Variants in CADM2 observed in about 807,000 individuals in gnomAD.
The protein encoded by CADM2 is cell adhesion molecule 2, also known as immunoglobulin superfamily member 4D.
Under a neutral mutation model 49.8 loss-of-function variants are expected in CADM2, and 12 were observed. The observed-to-expected ratio is 0.24, with a 90% CI of 0.15 to 0.39. CADM2 has a LOEUF of 0.39. CADM2 is among the 10% of genes least tolerant of loss of function. The pLI, the probability that CADM2 is intolerant of heterozygous loss-of-function variation, is 1.00. For missense variants in CADM2, 378 were observed against 492.3 expected (o/e 0.77, Z 2.20); for synonymous variants, 214 against 175.4 (o/e 1.22, Z -1.74).
chr3:85,153,090 G>A (rs2039982994), intron 1 of CADM2, among the ~76,000 whole-genome samples: 1 of 152,176 alleles, frequency 6.6e-6, no homozygotes, highest in Non-Finnish European at 1.5e-5. Context: ...AGCCAAGATG[G>A]CCAAATAGGA....
chr3:85,231,859 C>T (rs2042296733), intron 1 of CADM2, among the ~76,000 whole-genome samples: 1 of 151,364 alleles, frequency 6.6e-6, no homozygotes, highest in Non-Finnish European at 1.5e-5. Flanking sequence ...ATTACAGGTG[C>T]CCGCACCACA....
At chr3:85,753,074 C>T (rs374721016) in intron 2 of CADM2, among the ~76,000 whole-genome samples, 2 of 152,060 alleles carry the variant, frequency 1.3e-5, no homozygotes, top group South Asian at 2.1e-4. Flanking sequence ...TTGATGATAT[C>T]GTTTTTCCTT....
intron 1 of CADM2, among the ~76,000 whole-genome samples, chr3:85,498,478 G>A (rs185752791): frequency 6.6e-6 from 1 of 152,106 alleles, no homozygotes; most frequent in Admixed American, 6.5e-5. Context: ...ATGAAACTAC[G>A]GTAAAGGTAG....
At chr3:85,506,071 A>G (rs1299475697) in intron 1 of CADM2, among the ~76,000 whole-genome samples, 1 of 152,194 alleles carries the variant, frequency 6.6e-6, no homozygotes, top group Admixed American at 6.5e-5. Context: ...ATACTACTGC[A>G]ATTTCTACTA....
At chr3:85,324,129 A>T (rs1165225413) in intron 1 of CADM2, among the ~76,000 whole-genome samples, 4 of 152,220 alleles carry the variant, frequency 2.6e-5, no homozygotes, top group Admixed American at 2.6e-4. Flanking sequence ...CCAATAAAGA[A>T]ATTAGCACTC....
chr3:85,125,509 C>T (rs562629932), intron 1 of CADM2, among the ~76,000 whole-genome samples: 37 of 152,192 alleles, frequency 2.4e-4, no homozygotes, highest in African/African-American at 6.7e-4. Flanking sequence ...CAGGCGTGCA[C>T]CACCACACCT....
chr3:85,302,170 G>A (rs2106996371), intron 1 of CADM2, among the ~76,000 whole-genome samples: 1 of 152,058 alleles, frequency 6.6e-6, no homozygotes, highest in East Asian at 1.9e-4. Context: ...TATGTTCCTG[G>A]TCATTGAGAA....
intron 1 of CADM2, among the ~76,000 whole-genome samples, chr3:85,213,173 G>A (rs565039944): frequency 3.9e-5 from 6 of 152,066 alleles, no homozygotes; most frequent in East Asian, 1.9e-4. Flanking sequence ...GTGAACCACC[G>A]TGCCTGGACT....
intron 8 of CADM2, among the ~76,000 whole-genome samples, chr3:86,018,675 C>T (rs1732672827): frequency 6.6e-6 from 1 of 152,140 alleles, no homozygotes; most frequent in South Asian, 2.1e-4. Context: ...TAAATGTCTT[C>T]TTTTGAGAAG....
At chr3:85,071,005 A>AATGG in intron 1 of CADM2, among the ~76,000 whole-genome samples, 1 of 150,550 alleles carries the variant, frequency 6.6e-6, no homozygotes, top group East Asian at 1.9e-4. Flanking sequence ...TAAATAAATA[A>AATGG]ATAAATAAAT....
intron 1 of CADM2, among the ~76,000 whole-genome samples, chr3:85,239,064 A>C (rs1034746482): frequency 4.6e-5 from 7 of 151,784 alleles, no homozygotes; most frequent in African/African-American, 1.7e-4. Flanking sequence ...TAAACACCAG[A>C]CTGGATGCTG....
intron 1 of CADM2, among the ~76,000 whole-genome samples, chr3:85,161,507 G>C (rs542982010): frequency 9.9e-5 from 15 of 152,128 alleles, no homozygotes; most frequent in Non-Finnish European, 2.2e-4. Flanking sequence ...CAGGGCTCAG[G>C]GTTCACATGG....
chr3:85,992,645 C>T (rs1728920057), intron 8 of CADM2: 1 of 152,124 alleles, frequency 6.6e-6, no homozygotes, highest in African/African-American at 2.4e-5. Context: ...ATCCCATAGT[C>T]TATTCAGTGT....
intron 1 of CADM2, among the ~76,000 whole-genome samples, chr3:85,249,153 A>G (rs1245784611): frequency 1.3e-5 from 2 of 152,070 alleles, no homozygotes; most frequent in Admixed American, 6.6e-5. Flanking sequence ...ATTTGATTGC[A>G]ACCTAATATT....
At chr3:85,144,305 T>C (rs930535182) in intron 1 of CADM2, among the ~76,000 whole-genome samples, 1 of 151,648 alleles carries the variant, frequency 6.6e-6, no homozygotes, top group Non-Finnish European at 1.5e-5. Flanking sequence ...CTTTAAAATA[T>C]AAACATCATA....
intron 1 of CADM2, among the ~76,000 whole-genome samples, chr3:85,252,306 G>A (rs1302041108): frequency 6.6e-6 from 1 of 151,806 alleles, no homozygotes; most frequent in Non-Finnish European, 1.5e-5. Context: ...AAATCCCCAA[G>A]GCTCAAAATG....
intron 1 of CADM2, among the ~76,000 whole-genome samples, chr3:85,450,781 C>A (rs2037716078): frequency 6.6e-6 from 1 of 151,564 alleles, no homozygotes; most frequent in African/African-American, 2.4e-5. Flanking sequence ...AGATGCTGAC[C>A]AATTATAAAT....
At chr3:85,280,709 A>C (rs573326093) in intron 1 of CADM2, among the ~76,000 whole-genome samples, 32 of 152,004 alleles carry the variant, frequency 2.1e-4, no homozygotes, top group African/African-American at 7.5e-4. Flanking sequence ...ATTGAACAGT[A>C]ATCTAATTGG....
chr3:85,500,184 G>A (rs752228019), intron 1 of CADM2, among the ~76,000 whole-genome samples: 20 of 152,090 alleles, frequency 1.3e-4, no homozygotes, highest in Admixed American at 3.3e-4. Context: ...TCTGTGAAAG[G>A]TTTGGTGAAC....
Sources: allele counts gnomAD v4.1 joint callset (sites outside exome capture counted in the v4.1 genomes callset), GRCh38; gene constraint gnomAD v4.1.1; transcripts MANE v1.5; gene names NCBI Gene and HGNC (gene_info 2026-07-23, HGNC 2026-07-21).